FAF1: variants seen among roughly 807,000 people sequenced by gnomAD.
FAF1 encodes the protein FAS-associated factor 1.
A neutral mutation model predicts 92.5 loss-of-function variants in FAF1; 25 were observed. The ratio of observed to expected loss-of-function variants is 0.27; its 90% CI spans 0.20 to 0.38. The LOEUF (loss-of-function observed/expected upper bound fraction) is 0.38. Among genes scored for constraint, FAF1 ranks in the 10% least tolerant of loss-of-function variants. The probability of loss-of-function intolerance (pLI) is 1.00; values close to 1 mark genes in which losing one functional copy is unlikely to be tolerated. For missense variants in FAF1, 636 were observed against 793.3 expected (o/e 0.80, Z 2.38); for synonymous variants, 234 against 273.2 (o/e 0.86, Z 1.42).
At chr1:50,911,294 A>C (rs1176828933) in intron 1 of FAF1, among the ~76,000 whole-genome samples, 1 of 149,486 alleles carries the variant, frequency 6.7e-6, no homozygotes, top group Non-Finnish European at 1.5e-5. Flanking sequence ...CTGTTCTGGA[A>C]CTCCTGACCT....
chr1:50,497,540 CTTTTTTTT>C (rs61258960), intron 15 of FAF1, among the ~76,000 whole-genome samples: 33 of 100,552 alleles, frequency 3.3e-4, no homozygotes, highest in Non-Finnish European at 5.0e-4. Flanking sequence ...ATTCAAAACT[CTTTTTTTT>C]TTTTTTTTTT....
chr1:50,724,329 A>ACC (rs34877540), intron 6 of FAF1, among the ~76,000 whole-genome samples: 2 of 148,156 alleles, frequency 1.3e-5, no homozygotes, highest in Non-Finnish European at 3.0e-5. Flanking sequence ...ACACACACAC[A>ACC]CCCCTGCTCA....
chr1:50,935,245 T>C (rs906916020), intron 1 of FAF1, among the ~76,000 whole-genome samples: 17 of 152,196 alleles, frequency 1.1e-4, no homozygotes. Flanking sequence ...AATTTTATAA[T>C]TAATAAAGAT....
chr1:50,853,082 CAG>C (rs1441861258), intron 2 of FAF1, among the ~76,000 whole-genome samples: 1 of 152,104 alleles, frequency 6.6e-6, no homozygotes, highest in Non-Finnish European at 1.5e-5. Flanking sequence ...CGGATGAGGA[CAG>C]AGACTCATTA....
chr1:50,911,003 T>C (rs148503046), intron 1 of FAF1, among the ~76,000 whole-genome samples: 200 of 152,236 alleles, frequency 1.3e-3, no homozygotes, highest in African/African-American at 4.6e-3. Context: ...TTTGGCCATC[T>C]TGGAACCTCC....
At chr1:50,746,423 C>G (rs1250940972) in intron 4 of FAF1, among the ~76,000 whole-genome samples, 1 of 148,874 alleles carries the variant, frequency 6.7e-6, no homozygotes, top group African/African-American at 2.5e-5. Context: ...CCTGCCTCAG[C>G]CTCCCAAGTA....
chr1:50,904,678 C>T (rs190322549), intron 1 of FAF1, among the ~76,000 whole-genome samples: 4 of 152,196 alleles, frequency 2.6e-5, no homozygotes, highest in Non-Finnish European at 5.9e-5. Flanking sequence ...CATTTACCAT[C>T]TCAAGGGTAG....
intron 1 of FAF1, among the ~76,000 whole-genome samples, chr1:50,941,066 C>G (rs1201865721): frequency 6.7e-6 from 1 of 150,046 alleles, no homozygotes; most frequent in African/African-American, 2.5e-5. Context: ...CAGTCTCACT[C>G]TGTCACTCAG....
chr1:50,574,521 A>C (rs1264505303), intron 12 of FAF1, among the ~76,000 whole-genome samples: 3 of 152,150 alleles, frequency 2.0e-5, no homozygotes. Context: ...GGGAGGGATA[A>C]CACTACTCCT....
chr1:50,705,926 G>T, intron 6 of FAF1, 35 bp from the exon 7 acceptor site: 1 of 1,319,032 alleles, frequency 7.6e-7, no homozygotes, highest in Non-Finnish European at 1.1e-6. Flanking sequence ...GGAACTCAGA[G>T]ATGAACAAGT....
At chr1:50,484,658 T>G (rs140117211) in intron 17 of FAF1, among the ~76,000 whole-genome samples, 1,997 of 152,146 alleles carry the variant, frequency 0.013, 20 homozygotes, top group Middle Eastern at 0.034. Context: ...AAAAGCAACT[T>G]ACATAAGATA....
chr1:50,740,255 A>G (rs1434782364), intron 5 of FAF1, among the ~76,000 whole-genome samples: 4 of 152,134 alleles, frequency 2.6e-5, no homozygotes, highest in Non-Finnish European at 5.9e-5. Context: ...GAGCTTAGCA[A>G]TTTTAAACAG....
chr1:50,517,095 A>G (rs562161319), intron 15 of FAF1, among the ~76,000 whole-genome samples: 1 of 152,170 alleles, frequency 6.6e-6, no homozygotes, highest in East Asian at 1.9e-4. Context: ...AGATTTATGA[A>G]AAAGAGAATT....
At chr1:50,575,268 T>C (rs370996440) in intron 12 of FAF1, among the ~76,000 whole-genome samples, 263 of 152,316 alleles carry the variant, frequency 1.7e-3, no homozygotes, top group South Asian at 2.9e-3. Flanking sequence ...AATTTTAATA[T>C]GGGCACTAAA....
At chr1:50,641,995 G>C (rs1403868627) in intron 8 of FAF1, among the ~76,000 whole-genome samples, 10 of 151,966 alleles carry the variant, frequency 6.6e-5, no homozygotes, top group Non-Finnish European at 1.5e-4. Flanking sequence ...CTGAGATCAG[G>C]AGTTCAACAC....
intron 1 of FAF1, among the ~76,000 whole-genome samples, chr1:50,917,180 TG>T (rs1242704178): frequency 6.6e-6 from 1 of 152,208 alleles, no homozygotes; most frequent in African/African-American, 2.4e-5. Flanking sequence ...TGGTTCCAGA[TG>T]GGCTAGAGTA....
At chr1:50,688,681 G>A (rs938991849) in intron 7 of FAF1, among the ~76,000 whole-genome samples, 8 of 152,004 alleles carry the variant, frequency 5.3e-5, no homozygotes, top group South Asian at 2.1e-4. Context: ...GCGTTGTGGC[G>A]CATGCCTGTA....
chr1:50,657,364 T>C lies in FAF1; in HGVS notation c.658-1836A>G, dbSNP rs116843559. Among the ~76,000 whole-genome samples, 251 of 151,950 alleles carry C rather than the reference T, an allele frequency of 1.7e-3. 8 individuals carry two copies. In the East Asian group the frequency reaches 0.039, roughly 23 times the overall value. ...GGCATTATTATCCTACTGTATCAAA[T>C]GAAGTTAGGATTGAAATGCTCCCCA... On this transcript the variant is annotated intron_variant, in intron 7 of 18. Transcript: ENST00000396153.
At chr1:50,818,029 G>C (rs2124614524) in intron 2 of FAF1, among the ~76,000 whole-genome samples, 1 of 152,282 alleles carries the variant, frequency 6.6e-6, no homozygotes, top group Non-Finnish European at 1.5e-5. Context: ...AAAATTGCTT[G>C]AGGTGGGCAG....
Sources: gnomAD v4.1 joint callset for allele counts (sites outside exome capture counted in the v4.1 genomes callset) on GRCh38, gnomAD v4.1.1 for gene constraint, MANE v1.5 for transcripts, NCBI Gene and HGNC (gene_info 2026-07-23, HGNC 2026-07-21) for gene names.